ZFHX3: variants seen among roughly 807,000 people sequenced by gnomAD.
The protein encoded by ZFHX3 is zinc finger homeobox 3, also known as zinc finger homeobox protein 3.
ZFHX3 carries 42 observed loss-of-function variants against 279.1 expected under a neutral mutation model. The ratio of observed to expected loss-of-function variants is 0.15; its 90% CI spans 0.12 to 0.19. The LOEUF (loss-of-function observed/expected upper bound fraction) is 0.19, where lower values mean the gene tolerates loss of function less well. ZFHX3 is among the 10% of genes least tolerant of loss of function. The pLI is 1.00. For missense variants in ZFHX3, 4,981 were observed against 4,754.0 expected (o/e 1.05, Z -1.40); for synonymous variants, 2,293 against 1,957.8 (o/e 1.17, Z -4.52).
intron 2 of ZFHX3, among the ~76,000 whole-genome samples, chr16:73,489,265 T>C (rs2019021094): frequency 6.6e-6 from 1 of 152,252 alleles, no homozygotes; most frequent in East Asian, 1.9e-4. Flanking sequence ...AAAATCTTGA[T>C]GCACATTCAA....
intron 6 of ZFHX3, among the ~76,000 whole-genome samples, chr16:73,139,285 G>A (rs1251418868): frequency 1.3e-5 from 2 of 152,106 alleles, no homozygotes; most frequent in Admixed American, 6.5e-5. Context: ...CACTGACATG[G>A]TATATTGTTG....
At chr16:73,736,300 C>T (rs1298827109) in intron 1 of ZFHX3, among the ~76,000 whole-genome samples, 2 of 152,192 alleles carry the variant, frequency 1.3e-5, no homozygotes, top group Non-Finnish European at 2.9e-5. Context: ...GATGCAGGGG[C>T]AGCAGCCTGC....
chr16:73,808,866 A>G (rs1371806163), intron 1 of ZFHX3, among the ~76,000 whole-genome samples: 1 of 152,186 alleles, frequency 6.6e-6, no homozygotes, highest in Admixed American at 6.5e-5. Flanking sequence ...GCCTTAGGAT[A>G]GAAACTGCTG....
intron 1 of ZFHX3, among the ~76,000 whole-genome samples, chr16:73,862,398 A>G (rs1349832845): frequency 1.3e-5 from 2 of 152,232 alleles, no homozygotes; most frequent in Non-Finnish European, 2.9e-5. Flanking sequence ...ACACATAGTA[A>G]AAATCTATGT....
At chr16:73,822,340 C>T (rs1478894534) in intron 1 of ZFHX3, among the ~76,000 whole-genome samples, 2 of 152,152 alleles carry the variant, frequency 1.3e-5, no homozygotes, top group Admixed American at 6.5e-5. Flanking sequence ...ATATTAGGTT[C>T]CTGCCAGCTA....
intron 1 of ZFHX3, among the ~76,000 whole-genome samples, chr16:73,779,477 G>A (rs1014562286): frequency 3.9e-5 from 6 of 152,102 alleles, no homozygotes; most frequent in African/African-American, 9.6e-5. Context: ...TGCCTCTCCC[G>A]GGTCCTAAAA....
At chr16:73,630,880 G>A (rs900614160) in intron 2 of ZFHX3, among the ~76,000 whole-genome samples, 5 of 152,172 alleles carry the variant, frequency 3.3e-5, no homozygotes, top group Non-Finnish European at 5.9e-5. Flanking sequence ...CTATGCAATC[G>A]GGAATCATTC....
At chr16:72,997,540 G>C (rs980049278) in intron 1 of ZFHX3, among the ~76,000 whole-genome samples, 3 of 152,106 alleles carry the variant, frequency 2.0e-5, no homozygotes, top group African/African-American at 4.8e-5. Context: ...CAGCCAGTGG[G>C]ACACAATCTG....
chr16:72,854,059 G>A lies in ZFHX3; in HGVS notation c.3449-24200C>T, dbSNP rs569870488. On this transcript the variant is annotated intron_variant, in intron 4 of 9. Coordinates refer to ENST00000268489, the MANE Select transcript of ZFHX3 (RefSeq NM_006885.4). ...CAGCAGGGACAGTGTGCTAACATGA[G>A]GGTCCTGGCAGCTCCAGCATTTGCA... Among the ~76,000 whole-genome samples, 6 of 152,372 alleles carry A rather than the reference G, an allele frequency of 3.9e-5. No homozygotes were observed. In the East Asian group the frequency reaches 1.2e-3, roughly 29 times the overall value.
At chr16:73,878,011 A>G (rs1018501450) in intron 1 of ZFHX3, among the ~76,000 whole-genome samples, 3 of 152,070 alleles carry the variant, frequency 2.0e-5, no homozygotes, top group Admixed American at 2.0e-4. Flanking sequence ...ATACATATAT[A>G]TATCTTCTCC....
intron 3 of ZFHX3, among the ~76,000 whole-genome samples, chr16:72,906,433 A>G (rs990548514): frequency 6.6e-6 from 1 of 152,010 alleles, no homozygotes; most frequent in African/African-American, 2.4e-5. Context: ...GACAGATGAT[A>G]GTTTACAAAA....
At chr16:73,456,373 T>G (rs578197920) in intron 2 of ZFHX3, 1 of 152,268 alleles carries the variant, frequency 6.6e-6, no homozygotes, top group South Asian at 2.1e-4. Flanking sequence ...TCCTCCTTTA[T>G]CTTCTTCTGC....
At chr16:73,234,219 C>T (rs189220273) in intron 5 of ZFHX3, among the ~76,000 whole-genome samples, 7 of 152,254 alleles carry the variant, frequency 4.6e-5, no homozygotes, top group Non-Finnish European at 8.8e-5. Flanking sequence ...GACAGTCACC[C>T]ATCCCTGGAC....
chr16:72,831,570 T>C (rs912491256), intron 4 of ZFHX3, among the ~76,000 whole-genome samples: 2 of 152,062 alleles, frequency 1.3e-5, no homozygotes, highest in Admixed American at 1.3e-4. Context: ...TTTAGTAGAG[T>C]AAACATGTAT....
At chr16:73,346,916 T>C (rs2016134627) in intron 3 of ZFHX3, among the ~76,000 whole-genome samples, 1 of 152,208 alleles carries the variant, frequency 6.6e-6, no homozygotes, top group Non-Finnish European at 1.5e-5. Flanking sequence ...ATCCTTATTA[T>C]TTCACTTAAG....
At chr16:73,197,098 C>A (rs934744218) in intron 5 of ZFHX3, among the ~76,000 whole-genome samples, 2 of 152,024 alleles carry the variant, frequency 1.3e-5, no homozygotes, top group East Asian at 1.9e-4. Flanking sequence ...GTTAAACAAT[C>A]CCCCCCTTCA....
At chr16:73,014,515 C>CTTTTTTTTTTT (rs1567633191) in intron 1 of ZFHX3, 2 of 95,344 alleles carry the variant, frequency 2.1e-5, no homozygotes, top group African/African-American at 7.8e-5. Context: ...GTAATTTCTT[C>CTTTTTTTTTTT]TTCTTTTTTT....
chr16:73,533,962 G>A (rs965073027), intron 2 of ZFHX3, among the ~76,000 whole-genome samples: 6 of 152,036 alleles, frequency 3.9e-5, no homozygotes, highest in Non-Finnish European at 5.9e-5. Flanking sequence ...CCTTGCTTTC[G>A]TGCTGCCTAT....
At chr16:73,701,674 C>G (rs112121253) in intron 1 of ZFHX3, among the ~76,000 whole-genome samples, 320 of 152,174 alleles carry the variant, frequency 2.1e-3, no homozygotes, top group African/African-American at 7.2e-3. Flanking sequence ...TTATAAACGC[C>G]TTTGCCTTCT....
Sources: gnomAD v4.1 joint callset for allele counts (sites outside exome capture counted in the v4.1 genomes callset) on GRCh38, gnomAD v4.1.1 for gene constraint, MANE v1.5 for transcripts, NCBI Gene and HGNC (gene_info 2026-07-23, HGNC 2026-07-21) for gene names.